Variants in SUMF1 observed in about 807,000 individuals in gnomAD.
The protein encoded by SUMF1 is sulfatase modifying factor 1.
A neutral mutation model predicts 47.6 loss-of-function variants in SUMF1; 48 were observed. The ratio of observed to expected loss-of-function variants is 1.01; its 90% CI spans 0.80 to 1.28. SUMF1 has a LOEUF of 1.28. Among genes scored for constraint, SUMF1 ranks in the 50% most tolerant of loss-of-function variants. The probability of loss-of-function intolerance (pLI) is 0.00; values close to 1 mark genes in which losing one functional copy is unlikely to be tolerated. For missense variants in SUMF1, 571 were observed against 485.4 expected (o/e 1.18, Z -1.66); for synonymous variants, 230 against 192.1 (o/e 1.20, Z -1.63).
chr3:4,294,252 G>A (rs1055230719), intron 8 of SUMF1, among the ~76,000 whole-genome samples: 2 of 151,858 alleles, frequency 1.3e-5, no homozygotes, highest in Non-Finnish European at 2.9e-5. Flanking sequence ...TCAGCTCTTC[G>A]GTCACACTAG....
intron 8 of SUMF1, among the ~76,000 whole-genome samples, chr3:4,205,661 C>CA (rs1695636001): frequency 6.6e-6 from 1 of 152,218 alleles, no homozygotes; most frequent in South Asian, 2.1e-4. Context: ...AGTCCAGTAA[C>CA]ACTGTGACTT....
chr3:4,146,478 T>A (rs772035467), intron 8 of SUMF1, among the ~76,000 whole-genome samples: 2 of 151,970 alleles, frequency 1.3e-5, no homozygotes, highest in Non-Finnish European at 2.9e-5. Flanking sequence ...TGTCAGCATA[T>A]GAAAAAGTAG....
At chr3:4,417,917 T>G in intron 5 of SUMF1, 93 bp downstream of exon 5, 1 of 1,592,224 alleles carries the variant, frequency 6.3e-7, no homozygotes, top group Non-Finnish European at 8.6e-7. Context: ...TTATTAACTT[T>G]CTAACCAAAG....
chr3:4,049,838 C>G (rs1695073079), intron 9 of SUMF1, among the ~76,000 whole-genome samples: 1 of 152,072 alleles, frequency 6.6e-6, no homozygotes, highest in African/African-American at 2.4e-5. Context: ...CACATACAGA[C>G]TTGAAGGATG....
chr3:4,063,363 T>A (rs1434937684), intron 9 of SUMF1, among the ~76,000 whole-genome samples: 2 of 152,138 alleles, frequency 1.3e-5, no homozygotes, highest in Admixed American at 1.3e-4. Context: ...TTACAGAGAC[T>A]GCACACAAAA....
chr3:4,119,185 C>A (rs1000485396), intron 8 of SUMF1, among the ~76,000 whole-genome samples: 1 of 152,156 alleles, frequency 6.6e-6, no homozygotes, highest in Non-Finnish European at 1.5e-5. Context: ...AAAGTCCGGA[C>A]TGCTCTCTCC....
At chr3:4,318,377 T>C (rs1452666738) in intron 8 of SUMF1, among the ~76,000 whole-genome samples, 1 of 152,150 alleles carries the variant, frequency 6.6e-6, no homozygotes, top group Admixed American at 6.5e-5. Flanking sequence ...ACACAAAGCA[T>C]TTGACAACCT....
intron 8 of SUMF1, among the ~76,000 whole-genome samples, chr3:4,129,715 T>A (rs1297129775): frequency 1.3e-5 from 2 of 152,184 alleles, no homozygotes; most frequent in African/African-American, 4.8e-5. Context: ...GGGGAAATAC[T>A]GAACACTGGC....
At chr3:4,346,772 G>A (rs1360432773) in intron 8 of SUMF1, among the ~76,000 whole-genome samples, 1 of 150,306 alleles carries the variant, frequency 6.7e-6, no homozygotes, top group Non-Finnish European at 1.5e-5. Flanking sequence ...TTAATAGAAA[G>A]ATAGACCGCT....
At chr3:4,212,029 G>A (rs907890408) in intron 8 of SUMF1, among the ~76,000 whole-genome samples, 2 of 152,206 alleles carry the variant, frequency 1.3e-5, no homozygotes, top group Admixed American at 1.3e-4. Context: ...GTCCCTGCCT[G>A]ATGGCTCTGA....
At chr3:4,056,750 TA>T (rs1211461833) in intron 9 of SUMF1, among the ~76,000 whole-genome samples, 6 of 152,082 alleles carry the variant, frequency 3.9e-5, no homozygotes, top group Admixed American at 6.6e-5. Context: ...TTTTTTTATT[TA>T]TTTTTTTTGA....
At chr3:4,041,323 C>A (rs1006196049) in intron 9 of SUMF1, among the ~76,000 whole-genome samples, 2 of 152,152 alleles carry the variant, frequency 1.3e-5, no homozygotes, top group Non-Finnish European at 2.9e-5. Context: ...CTGCCCTCCT[C>A]GGCCTCCCAA....
In SUMF1 at chr3:4,369,958, T is replaced by C. The variant is rs1700119792; in HGVS notation, c.1014+6372A>G. Among the ~76,000 whole-genome samples, 6 of 152,182 alleles carry C rather than the reference T, an allele frequency of 3.9e-5. No homozygotes were observed. In the South Asian group the frequency reaches 1.2e-3, roughly 32 times the overall value. On this transcript the variant is annotated intron_variant, in intron 8 of 8. Coordinates refer to ENST00000272902, the MANE Select transcript of SUMF1 (RefSeq NM_182760.4). ...AATATGCCAGATGCTATTTTAGGTATGACGGATACAATCAGAACAAGACAA... is the reference window on the plus strand; with the variant it reads ...AATATGCCAGATGCTATTTTAGGTACGACGGATACAATCAGAACAAGACAA...
At chr3:4,356,064 T>A (rs1559240486) in intron 8 of SUMF1, among the ~76,000 whole-genome samples, 1 of 152,172 alleles carries the variant, frequency 6.6e-6, no homozygotes, top group Non-Finnish European at 1.5e-5. Flanking sequence ...GCTCTAATGG[T>A]CTAAACACAA....
At chr3:4,437,731 G>A in intron 3 of SUMF1, among the ~76,000 whole-genome samples, 1 of 152,088 alleles carries the variant, frequency 6.6e-6, no homozygotes, top group Non-Finnish European at 1.5e-5. Flanking sequence ...TTGAGTTCAG[G>A]AGTTCGAGAT....
intron 8 of SUMF1, among the ~76,000 whole-genome samples, chr3:4,181,608 CA>C (rs1695096846): frequency 6.6e-6 from 1 of 152,098 alleles, no homozygotes; most frequent in Non-Finnish European, 1.5e-5. Flanking sequence ...GGCCTTGGAT[CA>C]AATGAGTTCC....
At chr3:4,248,926 T>G (rs1696729866) in intron 8 of SUMF1, among the ~76,000 whole-genome samples, 2 of 152,160 alleles carry the variant, frequency 1.3e-5, no homozygotes, top group African/African-American at 4.8e-5. Context: ...CAAAGAGCCC[T>G]GACATGGGAT....
intron 8 of SUMF1, among the ~76,000 whole-genome samples, chr3:4,374,735 C>T (rs1458708060): frequency 1.3e-5 from 2 of 152,068 alleles, no homozygotes; most frequent in African/African-American, 2.4e-5. Flanking sequence ...GGTTTCCTGG[C>T]AAGAAGATCC....
chr3:4,133,053 C>T (rs905828226), intron 8 of SUMF1, among the ~76,000 whole-genome samples: 3 of 152,132 alleles, frequency 2.0e-5, no homozygotes, highest in African/African-American at 4.8e-5. Flanking sequence ...ATTGGAATAA[C>T]GTAGTCATTA....
Sources: gnomAD v4.1 joint callset for allele counts (sites outside exome capture counted in the v4.1 genomes callset) on GRCh38, gnomAD v4.1.1 for gene constraint, MANE v1.5 for transcripts, NCBI Gene and HGNC (gene_info 2026-07-23, HGNC 2026-07-21) for gene names.